PCOLCE: variants seen among roughly 807,000 people sequenced by gnomAD.
PCOLCE encodes procollagen C-endopeptidase enhancer, also known as procollagen C-endopeptidase enhancer 1.
PCOLCE carries 33 observed loss-of-function variants against 47.2 expected under a neutral mutation model. That is an observed-to-expected ratio of 0.70 (90% CI 0.53 to 0.93). The LOEUF is 0.93. PCOLCE is among the 40% of genes least tolerant of loss of function. PCOLCE has a pLI of 0.00. For synonymous variants in PCOLCE, 254 were observed against 252.5 expected (o/e 1.01, Z -0.06); for missense variants, 584 against 585.3 (o/e 1.00, Z 0.02).
Position 100,605,366 on chromosome 7 carries a change from C to CA in PCOLCE, c.588+154dup, listed in dbSNP as rs1024677011. 4.5e-5 allele frequency: 35 copies of CA among 775,658 alleles called. No individual in the cohort carries two copies. Among genetic ancestry groups the CA allele is most frequent in the Middle Eastern group, 6.7e-4 (2 of 2,984 alleles). 48.0% of individuals were successfully genotyped at this position (775,658 alleles called of 1,614,324 possible). Reference sequence around the variant, plus strand: ...AACAGCCCCAACCCCTGCATGCACGCAAACAAAAATGTAAAAATTACAACT... The same window carrying CA: ...AACAGCCCCAACCCCTGCATGCACGCAAAACAAAAATGTAAAAATTACAACT... On this transcript the variant is annotated intron_variant, in intron 4 of 8. Transcript: ENST00000223061. This position sits in a 1 kb window ranked among gnomAD's most constrained non-coding sequence, Gnocchi z 6.1.
chr7:100,602,699 C>T, intron 1 of PCOLCE, 148 bp downstream of exon 1: 1 of 628,684 alleles, frequency 1.6e-6, no homozygotes, highest in South Asian at 1.8e-5. Flanking sequence ...GCCCCCAAAT[C>T]CTCCCCATCT....
At chr7:100,603,629 AC>A in intron 2 of PCOLCE, 91 bp downstream of exon 2, 1 of 248,682 alleles carries the variant, frequency 4.0e-6, no homozygotes, top group Non-Finnish European at 7.3e-6. Flanking sequence ...TCCCCCCCGC[AC>A]CACCTTCTCA....
chr7:100,607,347 GAAGCC>G, intron 6 of PCOLCE, 100 bp from the exon 7 acceptor site: 1 of 883,956 alleles, frequency 1.1e-6, no homozygotes, highest in Non-Finnish European at 1.8e-6. Context: ...GCTAGGACCG[GAAGCC>G]TGACAGAGCT....
Position 100,602,523 on chromosome 7 carries a change from G to T in PCOLCE, c.67G>T (p.Ala23Ser). The change falls in exon 1 of 9, where the codon GCC (alanine) becomes TCC (serine). Residue 23 changes from alanine (A) to serine (S), a missense_variant. By Grantham distance (99) the Ala-to-Ser change is moderately conservative. Coordinates refer to ENST00000223061, the MANE Select transcript of PCOLCE (RefSeq NM_002593.4). The stretch of plus-strand genomic sequence containing the variant: ...CACTGCCTGCGCCCTGCTGCCTTTT[G>T]CCCAGGGCCAGACCCCCAACTACAC... ...LLTACALLPF[A>S]QGQTPNYTRP... is the part of the protein sequence containing the mutation. 6.2e-7 allele frequency: 1 copy of T among 1,612,202 alleles called. No individual in the cohort carries two copies. Among genetic ancestry groups the T allele is most frequent in the Non-Finnish European group, 8.5e-7 (1 of 1,178,920 alleles).
At chr7:100,603,226 CT>C in intron 1 of PCOLCE, 3 of 450,364 alleles carry the variant, frequency 6.7e-6, no homozygotes, top group Non-Finnish European at 7.8e-6. Flanking sequence ...GCCAGGCCCA[CT>C]TTTCCCTTAT....
Position 100,605,166 on chromosome 7 carries a change from AC to A in PCOLCE, c.545del (p.Pro182ArgfsTer19), listed in dbSNP as rs766866388. ...LTTPNWPESD[Y>X]PPGISCSWHI... ...ACGCCCAACTGGCCCGAGTCCGATT[AC>A]CCCCCGGGCATCAGCTGTTCCTGGC... On this transcript the variant is annotated frameshift_variant, in exon 4 of 9. Transcript: ENST00000223061. LOFTEE classifies it high-confidence loss of function. This position sits in a 1 kb window ranked among gnomAD's most constrained non-coding sequence, Gnocchi z 6.1. 3 of 1,611,748 alleles carry A rather than the reference AC, an allele frequency of 1.9e-6. No homozygotes were observed. Among genetic ancestry groups the A allele is most frequent in the South Asian group, 2.2e-5 (2 of 90,970 alleles).
At chr7:100,607,176 G>A (rs1354265154) in intron 6 of PCOLCE, among the ~76,000 whole-genome samples, 2 of 151,810 alleles carry the variant, frequency 1.3e-5, no homozygotes, top group South Asian at 4.2e-4. Flanking sequence ...TGGGAAGGTC[G>A]AGGCTTCAGT....
In PCOLCE at chr7:100,604,961, T is replaced by C; in HGVS notation, c.464-130T>C. 1.6e-6 allele frequency: 1 copy of C among 623,562 alleles called. No homozygotes were observed. Among genetic ancestry groups the C allele is most frequent in the South Asian group, 1.9e-5 (1 of 51,748 alleles). 38.6% of individuals were successfully genotyped at this position (623,562 alleles called of 1,614,324 possible). A position where few individuals can be genotyped will look rare whatever the true frequency, so the allele number is the denominator to read the frequency against. On this transcript the variant is annotated intron_variant, in intron 3 of 8. Transcript: ENST00000223061. This position sits in a 1 kb window ranked among gnomAD's most constrained non-coding sequence, Gnocchi z 6.4. ...TAACCTGCCCCCATCTTACCTCCCC[T>C]TCTTCTCGTCCCCTCATCCTGAGCC...
At position 100,605,364 on chromosome 7, in the gene PCOLCE, C is replaced by G; in HGVS notation, c.588+149C>G. On this transcript the variant is annotated intron_variant, in intron 4 of 8. Transcript: ENST00000223061. This position sits in a 1 kb window ranked among gnomAD's most constrained non-coding sequence, Gnocchi z 6.1. ...AAAACAGCCCCAACCCCTGCATGCA[C>G]GCAAACAAAAATGTAAAAATTACAA... The G allele has an allele frequency of 1.3e-6, 1 of 778,712 alleles. No homozygotes were observed. Among genetic ancestry groups the G allele is most frequent in the Non-Finnish European group, 2.0e-6 (1 of 492,706 alleles). The allele number at this position is 778,712 out of a possible 1,614,324, so 48.2% of individuals were successfully genotyped here. A position where few individuals can be genotyped will look rare whatever the true frequency, so the allele number is the denominator to read the frequency against.
chr7:100,605,751 A>T lies in PCOLCE; in HGVS notation c.664A>T (p.Asn222Tyr). 6.4e-7 allele frequency: 1 copy of T among 1,564,262 alleles called. No individual in the cohort carries two copies. Among genetic ancestry groups the T allele is most frequent in the Middle Eastern group, 1.7e-4 (1 of 6,004 alleles). Residue 222 changes from asparagine (N) to tyrosine (Y), a missense_variant, in exon 5 of 9, where the codon AAC becomes TAC. By Grantham distance (143) the Asn-to-Tyr change is moderately radical. Coordinates refer to ENST00000223061, the MANE Select transcript of PCOLCE (RefSeq NM_002593.4). The surrounding 1 kb of genome is among the most constrained non-coding windows in gnomAD (Gnocchi z 6.1). ...CCGCTATGACTCGGTCAGCGTGTTC[A>T]ACGGAGCCGTGAGCGACGACTCCCG... ...YCRYDSVSVF[N>Y]GAVSDDSRRL...
chr7:100,606,464 T>C lies in PCOLCE; in HGVS notation c.774T>C (p.Asp258=). Residue 258 remains aspartate, a synonymous_variant, in exon 6 of 9, where the codon GAT becomes GAC. Transcript: ENST00000223061. ...GNELLVQFVS[D]LSVTADGFSA... is the part of the protein sequence containing the mutation. The stretch of plus-strand genomic sequence containing the variant: ...AACTCCTCGTCCAGTTCGTCTCAGA[T>C]CTCAGTGTCACCGCTGATGGCTTCT... 1 of 1,614,092 alleles carries C rather than the reference T, an allele frequency of 6.2e-7. No individual in the cohort carries two copies. The highest frequency in any genetic ancestry group is 1.1e-5 in the South Asian group (1 of 91,078).
Position 100,605,623 on chromosome 7 carries a change from G to A in PCOLCE, c.589-53G>A. On this transcript the variant is annotated intron_variant, in intron 4 of 8. Coordinates refer to ENST00000223061, the MANE Select transcript of PCOLCE (RefSeq NM_002593.4). The surrounding 1 kb of genome is among the most constrained non-coding windows in gnomAD (Gnocchi z 6.1). ...GCAGGCACCCAGTAGGAGATGAGGTGCAGGCGCCCAGGGGTGTCCCGCCGC... is the reference window on the plus strand; with the variant it reads ...GCAGGCACCCAGTAGGAGATGAGGTACAGGCGCCCAGGGGTGTCCCGCCGC... The A allele has an allele frequency of 6.5e-7, 1 of 1,541,226 alleles. No individual in the cohort carries two copies. The highest frequency in any genetic ancestry group is 8.8e-7 in the Non-Finnish European group (1 of 1,141,610).
Position 100,605,629 on chromosome 7 carries a change from G to C in PCOLCE, c.589-47G>C, listed in dbSNP as rs773733353. 2 of 1,548,618 alleles carry C rather than the reference G, an allele frequency of 1.3e-6. No individual in the cohort carries two copies. Among genetic ancestry groups the C allele is most frequent in the South Asian group, 2.4e-5 (2 of 83,582 alleles). Reference sequence around the variant, plus strand: ...ACCCAGTAGGAGATGAGGTGCAGGCGCCCAGGGGTGTCCCGCCGCGCAGTC... The same window carrying C: ...ACCCAGTAGGAGATGAGGTGCAGGCCCCCAGGGGTGTCCCGCCGCGCAGTC... On this transcript the variant is annotated intron_variant, in intron 4 of 8. Coordinates refer to ENST00000223061, the MANE Select transcript of PCOLCE (RefSeq NM_002593.4). The surrounding 1 kb of genome is among the most constrained non-coding windows in gnomAD (Gnocchi z 6.1).
Position 100,602,451 on chromosome 7 carries a change from G to A in PCOLCE, c.-6G>A, listed in dbSNP as rs779892474. On this transcript the variant is annotated 5_prime_UTR_variant, in exon 1 of 9. Coordinates refer to ENST00000223061, the MANE Select transcript of PCOLCE (RefSeq NM_002593.4). ...TTGAGGACCCCAGCGCCTTTCCCCC[G>A]GGGCCATGCTGCCTGCAGCCACAGC... The A allele has an allele frequency of 2.5e-6, 4 of 1,602,528 alleles. No individual in the cohort carries two copies. The highest frequency in any genetic ancestry group is 1.1e-5 in the South Asian group (1 of 90,918).
rs2131290444 is a variant in PCOLCE at position 100,607,659 on chromosome 7, C to T, written c.1035C>T (p.Ser345=). 3.1e-6 allele frequency: 5 copies of T among 1,614,124 alleles called. No individual in the cohort carries two copies. Among genetic ancestry groups the T allele is most frequent in the Non-Finnish European group, 3.4e-6 (4 of 1,179,996 alleles). ...SSLVVTATVK[S]MVREPGEGLA... is the part of the protein sequence containing the mutation. The stretch of plus-strand genomic sequence containing the variant: ...CAGTGGTGACTGCGACAGTGAAGTC[C>T]ATGGTTCGGGAGCCAGGGGAGGGCC... Residue 345 remains serine, a synonymous_variant, in exon 8 of 9, where the codon TCC becomes TCT. Transcript: ENST00000223061.
rs993358262 is a variant in PCOLCE at position 100,605,235 on chromosome 7, G to A, written c.588+20G>A. ...GACCAGGTACCGACCCTCCTCCCCG[G>A]GCTGCCCTAGGGGACCCAGGCGGCG... On this transcript the variant is annotated intron_variant, in intron 4 of 8. Transcript: ENST00000223061. This position sits in a 1 kb window ranked among gnomAD's most constrained non-coding sequence, Gnocchi z 6.1. 1.9e-6 allele frequency: 3 copies of A among 1,604,456 alleles called. No individual in the cohort carries two copies. In the East Asian group the frequency reaches 6.7e-5, roughly 36 times the overall value.
intron 5 of PCOLCE, chr7:100,606,071 G>A: frequency 1.8e-6 from 1 of 559,806 alleles, no homozygotes; most frequent in Non-Finnish European, 3.2e-6. Flanking sequence ...GCTCATGCCT[G>A]TAATCATAGC....
Position 100,603,516 on chromosome 7 carries a change from A to G in PCOLCE, c.182A>G (p.Lys61Arg). Reference protein sequence around the residue: ...EGFPNLYPPNKECIWTITVPE... With the variant: ...EGFPNLYPPNRECIWTITVPE... The stretch of plus-strand genomic sequence containing the variant: ...TTCCCCAACCTCTACCCCCCTAATA[A>G]GGAGTGCATCTGGACCATAACGGTG... Residue 61 changes from lysine (K) to arginine (R), a missense_variant, in exon 2 of 9, where the codon AAG becomes AGG. Lys to Arg is a conservative substitution (Grantham distance 26). Coordinates refer to ENST00000223061, the MANE Select transcript of PCOLCE (RefSeq NM_002593.4). The G allele has an allele frequency of 6.3e-7, 1 of 1,593,906 alleles. No homozygotes were observed. The highest frequency in any genetic ancestry group is 8.6e-7 in the Non-Finnish European group (1 of 1,165,580).
chr7:100,605,323 G>C lies in PCOLCE; in HGVS notation c.588+108G>C, dbSNP rs1355107344. 1 of 1,174,112 alleles carries C rather than the reference G, an allele frequency of 8.5e-7. No individual in the cohort carries two copies. The highest frequency in any genetic ancestry group is 1.5e-5 in the African/African-American group (1 of 64,798). 72.7% of individuals were successfully genotyped at this position (1,174,112 alleles called of 1,614,324 possible). A position where few individuals can be genotyped will look rare whatever the true frequency, so the allele number is the denominator to read the frequency against. On this transcript the variant is annotated intron_variant, in intron 4 of 8. Coordinates refer to ENST00000223061, the MANE Select transcript of PCOLCE (RefSeq NM_002593.4). The surrounding 1 kb of genome is among the most constrained non-coding windows in gnomAD (Gnocchi z 6.1). The stretch of plus-strand genomic sequence containing the variant: ...CTGCTGTGTCCCGAGCACTGCGCTT[G>C]CGCTGGTGGGCACCCAAAACAGCCC...
Sources: gnomAD v4.1 joint callset for allele counts (sites outside exome capture counted in the v4.1 genomes callset) on GRCh38, gnomAD v4.1.1 for gene constraint, Gnocchi (gnomAD v3.1) non-coding constraint, MANE v1.5 for transcripts, NCBI Gene and HGNC (gene_info 2026-07-23, HGNC 2026-07-21) for gene names.